CELF5: variants seen among roughly 807,000 people sequenced by gnomAD.
CELF5 encodes CUGBP Elav-like family member 5, also known as CUG-BP and ETR-3 like factor 5.
A neutral mutation model predicts 54.9 loss-of-function variants in CELF5; 6 were observed. The ratio of observed to expected loss-of-function variants is 0.11; its 90% CI spans 0.06 to 0.22. The LOEUF (loss-of-function observed/expected upper bound fraction) is 0.22, where lower values mean the gene tolerates loss of function less well. Ranked by LOEUF, CELF5 falls within the 10% of genes least tolerant of loss-of-function variation. The pLI is 1.00. For synonymous variants in CELF5, 271 were observed against 290.9 expected (o/e 0.93, Z 0.70); for missense variants, 401 against 678.6 (o/e 0.59, Z 4.54).
At chr19:3,270,544 G>A (rs1225550663) in intron 2 of CELF5, 1 of 148,006 alleles carries the variant, frequency 6.8e-6, no homozygotes, top group African/African-American at 2.4e-5. Flanking sequence ...TGGGCGTCGG[G>A]CGCAGGGCGC....
At chr19:3,243,725 C>T (rs1024819513) in intron 1 of CELF5, among the ~76,000 whole-genome samples, 4 of 152,080 alleles carry the variant, frequency 2.6e-5, no homozygotes, top group Admixed American at 2.0e-4. Flanking sequence ...GCCAGAAGTT[C>T]GAAATCAAGG....
intron 3 of CELF5, among the ~76,000 whole-genome samples, chr19:3,274,292 C>T (rs1356682332): frequency 6.6e-6 from 1 of 152,136 alleles, no homozygotes; most frequent in Non-Finnish European, 1.5e-5. Flanking sequence ...TCTCTGGGGT[C>T]TCCGTGTGGA....
intron 1 of CELF5, among the ~76,000 whole-genome samples, chr19:3,249,802 G>A (rs1172863288): frequency 6.6e-6 from 1 of 152,190 alleles, no homozygotes; most frequent in Non-Finnish European, 1.5e-5. Context: ...CATGATCCAA[G>A]GCTACACTGC....
chr19:3,286,109 C>A, intron 10 of CELF5, 84 bp downstream of exon 10: 2 of 1,212,904 alleles, frequency 1.6e-6, no homozygotes, highest in Non-Finnish European at 2.2e-6. Flanking sequence ...CTGGCCCGGG[C>A]CTCTGGGACC....
chr19:3,269,437 C>T (rs981539672), intron 2 of CELF5, among the ~76,000 whole-genome samples: 16 of 152,198 alleles, frequency 1.1e-4, no homozygotes, highest in Middle Eastern at 3.2e-3. Context: ...CTCGACCTCT[C>T]AAACTGCTGG....
At chr19:3,238,310 C>T (rs920170252) in intron 1 of CELF5, among the ~76,000 whole-genome samples, 2 of 151,684 alleles carry the variant, frequency 1.3e-5, no homozygotes, top group Admixed American at 1.3e-4. Context: ...CCTCTGATAT[C>T]CCCCAAACCC....
chr19:3,288,896 G>C (rs1339829301), intron 10 of CELF5, among the ~76,000 whole-genome samples: 1 of 152,074 alleles, frequency 6.6e-6, no homozygotes, highest in East Asian at 1.9e-4. Context: ...CTTGTTGTGG[G>C]GTGGGAATGG....
chr19:3,271,418 G>A lies in CELF5; in HGVS notation c.343-2454G>A, dbSNP rs564924106. Among the ~76,000 whole-genome samples, 565 of 152,256 alleles carry A rather than the reference G, an allele frequency of 3.7e-3. 5 individuals are homozygous for A. Among genetic ancestry groups the A allele is most frequent in the African/African-American group, 0.011 (473 of 41,562 alleles). ...GGGAAAGGGGTCCAGCTGGCTGGGT[G>A]GGGGAAGAGCATGGAGGTTTTCCTC... On this transcript the variant is annotated intron_variant, in intron 2 of 12. Transcript: ENST00000292672.
chr19:3,280,391 T>C (rs2080128761), intron 5 of CELF5, among the ~76,000 whole-genome samples: 1 of 151,008 alleles, frequency 6.6e-6, no homozygotes, highest in African/African-American at 2.4e-5. Flanking sequence ...GCCAACATAG[T>C]GAAACCCCGT....
Position 3,282,475 on chromosome 19 carries a change from C to A in CELF5, c.1016C>A (p.Ala339Asp). The A allele has an allele frequency of 6.2e-7, 1 of 1,613,470 alleles. No homozygotes were observed. Among genetic ancestry groups the A allele is most frequent in the South Asian group, 1.1e-5 (1 of 91,000 alleles). Reference protein sequence around the residue: ...GGHPALETVYANGLVPYPAQS... With the variant: ...GGHPALETVYDNGLVPYPAQS... ...CACCCTGCCCTGGAAACCGTCTATGCCAATGGCCTTGTGCCCTACCCAGGT... is the reference window on the plus strand; with the variant it reads ...CACCCTGCCCTGGAAACCGTCTATGACAATGGCCTTGTGCCCTACCCAGGT... The change falls in exon 8 of 13, where the codon GCC (alanine) becomes GAC (aspartate). Residue 339 changes from alanine (A) to aspartate (D), a missense_variant. Around this residue, in one of 6 missense-constraint regions of CELF5, gnomAD observed 143 missense variants for 147.6 expected, o/e 0.97. Coordinates refer to ENST00000292672, the MANE Select transcript of CELF5 (RefSeq NM_021938.4). The surrounding 1 kb of genome is among the most constrained non-coding windows in gnomAD (Gnocchi z 5.2).
rs1313933107 is a variant in CELF5, at chr19:3,281,531, T to C, written c.750+186T>C. 1.3e-5 allele frequency among the ~76,000 whole-genome samples: 2 copies of C among 152,126 alleles called. No homozygotes were observed. The highest frequency in any genetic ancestry group is 2.9e-5 in the Non-Finnish European group (2 of 68,006). On this transcript the variant is annotated intron_variant, in intron 6 of 12. Transcript: ENST00000292672. The surrounding 1 kb of genome is among the most constrained non-coding windows in gnomAD (Gnocchi z 6.5). ...CCCCTAAATCCAGAAGACTGAGCCC[T>C]AATCTCACAGTAACACCCAATCTTG...
At chr19:3,286,920 A>T (rs927079980) in intron 10 of CELF5, 8 of 151,352 alleles carry the variant, frequency 5.3e-5, no homozygotes, top group African/African-American at 1.9e-4. Flanking sequence ...CTGTGGTCCC[A>T]GCTACTCGGG....
intron 2 of CELF5, among the ~76,000 whole-genome samples, chr19:3,272,182 A>G (rs1428966804): frequency 1.3e-5 from 2 of 152,062 alleles, no homozygotes; most frequent in Non-Finnish European, 1.5e-5. Flanking sequence ...CCTGGCCAAC[A>G]TGGTGAAACC....
At chr19:3,270,244 CCCAGAA>C (rs547674447) in intron 2 of CELF5, among the ~76,000 whole-genome samples, 1 of 152,156 alleles carries the variant, frequency 6.6e-6, no homozygotes, top group Non-Finnish European at 1.5e-5. Context: ...CCTTGGGGGC[CCCAGAA>C]CCAGAGAGTC....
At chr19:3,287,858 A>G (rs1382587822) in intron 10 of CELF5, among the ~76,000 whole-genome samples, 3 of 152,234 alleles carry the variant, frequency 2.0e-5, no homozygotes, top group African/African-American at 7.2e-5. Flanking sequence ...TCTCCATGTT[A>G]TGTGGTTTAG....
intron 1 of CELF5, among the ~76,000 whole-genome samples, chr19:3,234,572 C>A (rs1471637531): frequency 6.6e-6 from 1 of 152,132 alleles, no homozygotes; most frequent in Non-Finnish European, 1.5e-5. Flanking sequence ...CGGCCCCAAG[C>A]ATCCACGGTG....
At position 3,278,694 on chromosome 19, in the gene CELF5, T is replaced by G. The variant is rs79509625; in HGVS notation, c.603+584T>G. Among the ~76,000 whole-genome samples, 316 of 151,604 alleles carry G rather than the reference T, an allele frequency of 2.1e-3. 1 individual carries two copies. Among genetic ancestry groups the G allele is most frequent in the African/African-American group, 7.1e-3 (294 of 41,224 alleles). Reference sequence around the variant, plus strand: ...GTGGGCAGGTTTGTGTGTGTGTGTGTGTGTGTTTGTGTGTGTGCATGACTG... The same window carrying G: ...GTGGGCAGGTTTGTGTGTGTGTGTGGGTGTGTTTGTGTGTGTGCATGACTG... On this transcript the variant is annotated intron_variant, in intron 5 of 12. Coordinates refer to ENST00000292672, the MANE Select transcript of CELF5 (RefSeq NM_021938.4). The surrounding 1 kb of genome is among the most constrained non-coding windows in gnomAD (Gnocchi z 4.5).
chr19:3,239,911 C>T (rs1023247827), intron 1 of CELF5, among the ~76,000 whole-genome samples: 11 of 152,114 alleles, frequency 7.2e-5, no homozygotes, highest in African/African-American at 2.7e-4. Context: ...AAACACCTTC[C>T]ATGGCTCCCC....
intron 1 of CELF5, among the ~76,000 whole-genome samples, chr19:3,233,372 G>A (rs1415869623): frequency 6.6e-6 from 1 of 152,174 alleles, no homozygotes; most frequent in South Asian, 2.1e-4. Flanking sequence ...CAATTCAGGG[G>A]GTAGGAGAGA....
Sources: gnomAD v4.1 joint callset for allele counts (sites outside exome capture counted in the v4.1 genomes callset) on GRCh38, gnomAD v4.1.1 for gene constraint, gnomAD v4.1.1 regional missense constraint, Gnocchi (gnomAD v3.1) non-coding constraint, MANE v1.5 for transcripts, NCBI Gene and HGNC (gene_info 2026-07-23, HGNC 2026-07-21) for gene names.